The following TAFA5 variants were observed in gnomAD, a reference collection of about 807,000 sequenced individuals.
TAFA5 encodes the protein TAFA chemokine like family member 5, also known as chemokine-like protein TAFA-5.
Under a neutral mutation model 15.3 loss-of-function variants are expected in TAFA5, and 6 were observed. The ratio of observed to expected loss-of-function variants is 0.39; its 90% CI spans 0.21 to 0.77. The LOEUF (loss-of-function observed/expected upper bound fraction) is 0.77, where lower values mean the gene tolerates loss of function less well. Among genes scored for constraint, TAFA5 ranks in the 30% least tolerant of loss-of-function variants. The pLI, the probability that TAFA5 is intolerant of heterozygous loss-of-function variation, is 0.41. For missense variants in TAFA5, 161 were observed against 193.1 expected (o/e 0.83, Z 0.98); for synonymous variants, 103 against 80.7 (o/e 1.28, Z -1.48).
intron 1 of TAFA5, among the ~76,000 whole-genome samples, chr22:48,606,783 AC>A (rs540338511): frequency 2.0e-5 from 3 of 152,066 alleles, no homozygotes; most frequent in Non-Finnish European, 4.4e-5. Context: ...CAGAGGGGAG[AC>A]ACGCTCTTGG....
At chr22:48,673,637 G>A (rs1179474538) in intron 2 of TAFA5, among the ~76,000 whole-genome samples, 1 of 152,206 alleles carries the variant, frequency 6.6e-6, no homozygotes. Context: ...TGTACTGTGT[G>A]TAGGGCTTGG....
At chr22:48,698,402 GTGATGGTGATAA>G (rs1378205258) in intron 2 of TAFA5, among the ~76,000 whole-genome samples, 1 of 151,622 alleles carries the variant, frequency 6.6e-6, no homozygotes, top group African/African-American at 2.4e-5. Flanking sequence ...GGTGATGGTG[GTGATGGTGATAA>G]TGATGGTGGT....
intron 1 of TAFA5, among the ~76,000 whole-genome samples, chr22:48,562,329 G>A (rs957713136): frequency 2.0e-4 from 30 of 152,084 alleles, no homozygotes; most frequent in East Asian, 5.8e-4. Context: ...TAGTAGAGAC[G>A]GGGTTTCACC....
At chr22:48,538,657 G>T (rs754064490) in intron 1 of TAFA5, among the ~76,000 whole-genome samples, 2 of 152,192 alleles carry the variant, frequency 1.3e-5, no homozygotes, top group Non-Finnish European at 2.9e-5. Context: ...TCTTCCACGC[G>T]TCTCTGTGCA....
At chr22:48,520,016 G>A (rs1202581510) in intron 1 of TAFA5, among the ~76,000 whole-genome samples, 1 of 152,238 alleles carries the variant, frequency 6.6e-6, no homozygotes, top group South Asian at 2.1e-4. Flanking sequence ...TCCAGTGCCC[G>A]GTGTCCTTAG....
chr22:48,537,412 C>T (rs1367309560), intron 1 of TAFA5, among the ~76,000 whole-genome samples: 1 of 152,210 alleles, frequency 6.6e-6, no homozygotes, highest in Non-Finnish European at 1.5e-5. Context: ...ATGCCAGGGA[C>T]AAAACCCCAG....
chr22:48,677,551 G>A (rs1928015372), intron 2 of TAFA5, among the ~76,000 whole-genome samples: 1 of 152,206 alleles, frequency 6.6e-6, no homozygotes, highest in Admixed American at 6.5e-5. Context: ...GCAGCAACGT[G>A]GGACAGCCCA....
intron 2 of TAFA5, among the ~76,000 whole-genome samples, chr22:48,671,556 G>A (rs1927804502): frequency 6.6e-6 from 1 of 152,148 alleles, no homozygotes; most frequent in Non-Finnish European, 1.5e-5. Context: ...TTGTGTTCTG[G>A]GAGCATGACT....
At chr22:48,629,712 C>T (rs1162774964) in intron 1 of TAFA5, among the ~76,000 whole-genome samples, 1 of 152,224 alleles carries the variant, frequency 6.6e-6, no homozygotes, top group African/African-American at 2.4e-5. Flanking sequence ...GTCCCCAGCA[C>T]AGAGACCCAA....
In TAFA5 at chr22:48,550,275, G is replaced by A. The variant is rs1922813029; in HGVS notation, c.112+60571G>A. The stretch of plus-strand genomic sequence containing the variant: ...ATGGCGCATCTGGCCGGGATAAGGT[G>A]TAGGCCTGGGAGAACAGGGTCAGTG... On this transcript the variant is annotated intron_variant, in intron 1 of 3. Coordinates refer to ENST00000402357, the MANE Select transcript of TAFA5 (RefSeq NM_001082967.3). The surrounding 1 kb of genome is among the most constrained non-coding windows in gnomAD (Gnocchi z 4.1). 6.6e-6 allele frequency among the ~76,000 whole-genome samples: 1 copy of A among 152,250 alleles called. No individual in the cohort carries two copies. The highest frequency in any genetic ancestry group is 2.4e-5 in the African/African-American group (1 of 41,470).
chr22:48,749,414 G>A (rs1930418875), intron 3 of TAFA5, among the ~76,000 whole-genome samples: 2 of 152,334 alleles, frequency 1.3e-5, no homozygotes, highest in African/African-American at 2.4e-5. Context: ...AGCCTGCAGC[G>A]ACCATTCTGG....
intron 3 of TAFA5, among the ~76,000 whole-genome samples, chr22:48,743,022 G>C (rs988052408): frequency 1.3e-5 from 2 of 152,180 alleles, no homozygotes; most frequent in African/African-American, 4.8e-5. Context: ...GGACTCACTC[G>C]GGTCAGGCAC....
intron 1 of TAFA5, among the ~76,000 whole-genome samples, chr22:48,575,384 G>T (rs943072983): frequency 6.1e-5 from 9 of 148,676 alleles, no homozygotes; most frequent in African/African-American, 1.9e-4. Flanking sequence ...GCCGGGAGGA[G>T]CGCAGACGGC....
At chr22:48,546,425 A>C (rs1056574865) in intron 1 of TAFA5, 2 of 464,772 alleles carry the variant, frequency 4.3e-6, no homozygotes, top group Non-Finnish European at 4.5e-6. Flanking sequence ...CCGAGTGACC[A>C]TCGGACACTG....
intron 1 of TAFA5, among the ~76,000 whole-genome samples, chr22:48,600,995 C>T (rs1188084587): frequency 1.3e-5 from 2 of 152,254 alleles, no homozygotes; most frequent in African/African-American, 2.4e-5. Flanking sequence ...GCTTCCTCTC[C>T]TCACACAGAG....
In TAFA5 at chr22:48,531,898, C is replaced by T. The variant is rs550110917; in HGVS notation, c.112+42194C>T. Among the ~76,000 whole-genome samples, 95 of 152,318 alleles carry T rather than the reference C, an allele frequency of 6.2e-4. 1 individual carries two copies. The South Asian group carries it at 0.011, about 17-fold the overall frequency. The stretch of plus-strand genomic sequence containing the variant: ...TGGCAGGGCAGGAGAGGGTGGACGT[C>T]CCACAGCCAGGAACAGCCAGGCACA... On this transcript the variant is annotated intron_variant, in intron 1 of 3. Transcript: ENST00000402357.
intron 2 of TAFA5, among the ~76,000 whole-genome samples, chr22:48,701,458 G>A (rs368767166): frequency 2.0e-5 from 3 of 152,136 alleles, no homozygotes; most frequent in Non-Finnish European, 4.4e-5. Context: ...CTGCCTGCCC[G>A]CTGGGAGTCG....
At chr22:48,725,728 A>AC (rs902383734) in intron 3 of TAFA5, among the ~76,000 whole-genome samples, 1 of 135,670 alleles carries the variant, frequency 7.4e-6, no homozygotes, top group African/African-American at 2.5e-5. Context: ...TTCACAGAAA[A>AC]AAAAAAAAAA....
intron 1 of TAFA5, among the ~76,000 whole-genome samples, chr22:48,525,333 C>T (rs971535130): frequency 6.6e-5 from 10 of 152,152 alleles, no homozygotes; most frequent in African/African-American, 2.4e-4. Context: ...GAGACCTCCA[C>T]ACAGGGACCC....
Sources: allele counts gnomAD v4.1 joint callset (sites outside exome capture counted in the v4.1 genomes callset), GRCh38; gene constraint gnomAD v4.1.1; non-coding constraint Gnocchi (gnomAD v3.1); transcripts MANE v1.5; gene names NCBI Gene and HGNC (gene_info 2026-07-23, HGNC 2026-07-21).